MAN2B1: variants seen among roughly 807,000 people sequenced by gnomAD.
MAN2B1 encodes the protein mannosidase alpha class 2B member 1.
MAN2B1 carries 99 observed loss-of-function variants against 127.5 expected under a neutral mutation model. That is an observed-to-expected ratio of 0.78 (90% CI 0.66 to 0.92). The LOEUF (loss-of-function observed/expected upper bound fraction) is 0.92, where lower values mean the gene tolerates loss of function less well. MAN2B1 is among the 40% of genes least tolerant of loss of function. MAN2B1 has a pLI of 0.00. For synonymous variants in MAN2B1, 573 were observed against 568.8 expected, an observed-to-expected ratio of 1.01 and a Z score of -0.11; for missense variants, 1,304 against 1,384.8, an observed-to-expected ratio of 0.94 and a Z score of 0.93.
rs1408411550 is a variant in MAN2B1 at position 12,652,847 on chromosome 19, T to A, written c.1831-387A>T. 6.6e-5 allele frequency among the ~76,000 whole-genome samples: 10 copies of A among 152,054 alleles called. No individual in the cohort carries two copies. In the South Asian group the frequency reaches 1.4e-3, roughly 22 times the overall value. Reference sequence around the variant, plus strand: ...GTGCCCAGCCGGATTTTTATTTTTTTTTTTTGAGACAGAAACTTGCTGTGT... The same window carrying A: ...GTGCCCAGCCGGATTTTTATTTTTTATTTTTGAGACAGAAACTTGCTGTGT... On this transcript the variant is annotated intron_variant, in intron 14 of 23. Transcript: ENST00000456935.
intron 5 of MAN2B1, 41 bp from the exon 6 acceptor site, chr19:12,663,503 G>A (rs1307457594): frequency 1.2e-6 from 2 of 1,609,510 alleles, no homozygotes; most frequent in Non-Finnish European, 1.7e-6. Context: ...CCATCACCCA[G>A]ACCTTCCCTG....
rs765394817 is a variant in MAN2B1 at position 12,665,845 on chromosome 19, C to G, written c.160-40G>C. The G allele has an allele frequency of 5.9e-6, 9 of 1,527,158 alleles. No homozygotes were observed. In the East Asian group the frequency reaches 1.3e-4, roughly 23 times the overall value. 94.6% of individuals were successfully genotyped at this position (1,527,158 alleles called of 1,614,324 possible). On this transcript the variant is annotated intron_variant, in intron 1 of 23. Transcript: ENST00000456935. The stretch of plus-strand genomic sequence containing the variant: ...CAAACACACATACCTTGTCAATAAC[C>G]CCCGAGGTCGGGGGCTGCAGAGTAA...
rs972047517 is a variant in MAN2B1 at position 12,646,551 on chromosome 19, G to A, written c.*69C>T. The A allele has an allele frequency of 1.5e-5, 18 of 1,186,338 alleles. No individual in the cohort carries two copies. The highest frequency in any genetic ancestry group is 1.9e-4 in the Middle Eastern group (1 of 5,294). The allele number at this position is 1,186,338 out of a possible 1,614,324, so 73.5% of individuals were successfully genotyped here. A position where few individuals can be genotyped will look rare whatever the true frequency, so the allele number is the denominator to read the frequency against. On this transcript the variant is annotated 3_prime_UTR_variant, in exon 24 of 24. Coordinates refer to ENST00000456935, the MANE Select transcript of MAN2B1 (RefSeq NM_000528.4). ...AGCGTTTTAATGGCAGCAGCCCCAA[G>A]AGGAGAGTCAGAGTCTGGTCTGCCC... is the stretch of plus-strand genomic sequence containing the variant.
At chr19:12,653,175 C>T (rs1431510037) in intron 14 of MAN2B1, among the ~76,000 whole-genome samples, 1 of 142,406 alleles carries the variant, frequency 7.0e-6, no homozygotes, top group Non-Finnish European at 1.5e-5. Flanking sequence ...CTGAGTCTCG[C>T]TCTATCGCCC....
intron 14 of MAN2B1, among the ~76,000 whole-genome samples, chr19:12,654,062 A>C (rs1389612747): frequency 8.1e-6 from 1 of 123,436 alleles, no homozygotes; most frequent in Non-Finnish European, 1.6e-5. Flanking sequence ...TTTTTTTTTG[A>C]GACGGAGTCT....
chr19:12,664,187 C>T (rs2024173700), intron 4 of MAN2B1, among the ~76,000 whole-genome samples: 2 of 152,204 alleles, frequency 1.3e-5, no homozygotes, highest in Non-Finnish European at 2.9e-5. Context: ...GATTGCACCA[C>T]TGCACTCCAG....
intron 18 of MAN2B1, 122 bp downstream of exon 18, chr19:12,649,791 C>T (rs550785999): frequency 1.7e-5 from 15 of 879,752 alleles, no homozygotes; most frequent in East Asian, 1.5e-4. Context: ...CTGGCTCCCC[C>T]GCCCTTCACT....
intron 14 of MAN2B1, among the ~76,000 whole-genome samples, chr19:12,655,451 C>CG (rs2023932907): frequency 6.6e-6 from 1 of 152,214 alleles, no homozygotes; most frequent in African/African-American, 2.4e-5. Context: ...TGCGAACCAC[C>CG]ACCTGCCACC....
chr19:12,656,983 A>G lies in MAN2B1; in HGVS notation c.1493T>C (p.Ile498Thr). 1 of 1,613,708 alleles carries G rather than the reference A, an allele frequency of 6.2e-7. No individual in the cohort carries two copies. The highest frequency in any genetic ancestry group is 8.5e-7 in the Non-Finnish European group (1 of 1,179,996). ...CGTCTGGCTGAGCGGGCAGATGCTG[A>G]TGTTTAGCTGTTGGCAAAAGGTGAA... is the stretch of plus-strand genomic sequence containing the variant. The part of the protein sequence containing the change: ...DHFTFCQQLN[I>T]SICPLSQTAA... The change falls in exon 12 of 24, where the codon ATC (isoleucine) becomes ACC (threonine). Residue 498 changes from isoleucine (I) to threonine (T), a missense_variant. Coordinates refer to ENST00000456935, the MANE Select transcript of MAN2B1 (RefSeq NM_000528.4).
intron 4 of MAN2B1, among the ~76,000 whole-genome samples, chr19:12,664,386 A>C (rs1017149306): frequency 6.6e-6 from 1 of 151,814 alleles, no homozygotes; most frequent in Non-Finnish European, 1.5e-5. Context: ...AGCGCAGAGC[A>C]GGCCTGACTC....
chr19:12,653,132 C>T (rs1244711658), intron 14 of MAN2B1, among the ~76,000 whole-genome samples: 3 of 143,484 alleles, frequency 2.1e-5, no homozygotes, highest in Non-Finnish European at 4.5e-5. Flanking sequence ...CTGCACCTGG[C>T]CTGGGTTTTT....
Position 12,656,606 on chromosome 19 carries a change from CAACGA to C in MAN2B1, c.1604_1608del (p.Phe535CysfsTer74). 6.2e-7 allele frequency: 1 copy of C among 1,613,956 alleles called. No individual in the cohort carries two copies. Among genetic ancestry groups the C allele is most frequent in the Non-Finnish European group, 8.5e-7 (1 of 1,179,918 alleles). Reference sequence around the variant, plus strand: ...ACTGTCCTGCCATTGGGGTCCTTCACAACGAAAACGCCTTCGCTGACCGGCAGCCG... The same window carrying C: ...ACTGTCCTGCCATTGGGGTCCTTCACAAACGCCTTCGCTGACCGGCAGCCG... On this transcript the variant is annotated frameshift_variant, in exon 13 of 24. Transcript: ENST00000456935. LOFTEE classifies it high-confidence loss of function.
intron 15 of MAN2B1, 27 bp from the exon 16 acceptor site, chr19:12,652,297 G>A: frequency 1.2e-6 from 2 of 1,610,106 alleles, no homozygotes; most frequent in Non-Finnish European, 1.7e-6. Flanking sequence ...TGAGAGTCAG[G>A]TAAGGGGCCC....
chr19:12,651,355 C>T (rs553949164), intron 16 of MAN2B1, among the ~76,000 whole-genome samples: 7 of 152,210 alleles, frequency 4.6e-5, no homozygotes, highest in Admixed American at 1.3e-4. Context: ...ACAAATGTGG[C>T]GGCTGGAGCT....
chr19:12,658,758 A>C, intron 7 of MAN2B1: 1 of 539,260 alleles, frequency 1.9e-6, no homozygotes, highest in Non-Finnish European at 3.3e-6. Flanking sequence ...TTTTACAATA[A>C]TTCCAACTTT....
intron 16 of MAN2B1, 103 bp downstream of exon 16, chr19:12,652,050 A>G: frequency 4.5e-6 from 4 of 890,108 alleles, no homozygotes; most frequent in Non-Finnish European, 5.7e-6. Context: ...CTGAAGGAAA[A>G]GTAAATCCTC....
chr19:12,659,185 T>C (rs1030476028), intron 7 of MAN2B1, among the ~76,000 whole-genome samples: 11 of 151,658 alleles, frequency 7.3e-5, no homozygotes, highest in African/African-American at 2.7e-4. Context: ...TGAATGGAGG[T>C]GCACTTTCAC....
Position 12,647,362 on chromosome 19 carries a change from G to T in MAN2B1, c.2821-27C>A. 6.2e-7 allele frequency: 1 copy of T among 1,610,778 alleles called. No homozygotes were observed. The highest frequency in any genetic ancestry group is 8.5e-7 in the Non-Finnish European group (1 of 1,176,926). ...TGCGGGGAAGGGGATGGGCCCAGAT[G>T]AGTTGGGGCAAAGCCAGGTTTCTCT... On this transcript the variant is annotated intron_variant, in intron 22 of 23. Transcript: ENST00000456935. The surrounding 1 kb of genome is among the most constrained non-coding windows in gnomAD (Gnocchi z 4.9).
rs370958430 is a variant in MAN2B1 at position 12,657,061 on chromosome 19, G to A, written c.1420-5C>T. 13 of 1,582,482 alleles carry A rather than the reference G, an allele frequency of 8.2e-6. No individual in the cohort carries two copies. The African/African-American group carries it at 1.6e-4, about 20-fold the overall frequency. On this transcript the variant is annotated splice_region_variant and splice_polypyrimidine_tract_variant and intron_variant, in intron 11 of 23. Coordinates refer to ENST00000456935, the MANE Select transcript of MAN2B1 (RefSeq NM_000528.4). ...CAGCGCGTTGCTCAGAAGAACCTGC[G>A]GAAGAGCGCAAAGGGACCGGTGGGT... is the stretch of plus-strand genomic sequence containing the variant.
Sources: gnomAD v4.1 joint callset for allele counts (sites outside exome capture counted in the v4.1 genomes callset) on GRCh38, gnomAD v4.1.1 for gene constraint, Gnocchi (gnomAD v3.1) non-coding constraint, MANE v1.5 for transcripts, NCBI Gene and HGNC (gene_info 2026-07-23, HGNC 2026-07-21) for gene names.